Variants in NCOR2 observed in about 807,000 individuals in gnomAD.
NCOR2 encodes the protein nuclear receptor corepressor 2.
A neutral mutation model predicts 262.9 loss-of-function variants in NCOR2; 81 were observed. The ratio of observed to expected loss-of-function variants is 0.31; its 90% CI spans 0.26 to 0.37. NCOR2 has a LOEUF of 0.37. Ranked by LOEUF, NCOR2 falls within the 10% of genes least tolerant of loss-of-function variation. NCOR2 has a pLI of 1.00. For missense variants in NCOR2, 3,385 were observed against 3,621.4 expected, an observed-to-expected ratio of 0.93 and a Z score of 1.68; for synonymous variants, 1,659 against 1,559.3, an observed-to-expected ratio of 1.06 and a Z score of -1.51.
Position 124,482,906 on chromosome 12 carries a change from G to A in NCOR2, c.411+690C>T, listed in dbSNP as rs935649223. Among the ~76,000 whole-genome samples, 4 of 152,276 alleles carry A rather than the reference G, an allele frequency of 2.6e-5. No individual in the cohort carries two copies. Among genetic ancestry groups the A allele is most frequent in the African/African-American group, 9.6e-5 (4 of 41,542 alleles). ...GCAGCCAGACTGGGCAGTAGAAGGC[G>A]GCTTTGTCATTCTAGGGGTCCAGGC... On this transcript the variant is annotated intron_variant, in intron 3 of 46. Coordinates refer to ENST00000405201, the Ensembl canonical transcript of NCOR2. This position sits in a 1 kb window ranked among gnomAD's most constrained non-coding sequence, Gnocchi z 6.3.
At chr12:124,441,320 C>T (rs1467800481) in intron 7 of NCOR2, among the ~76,000 whole-genome samples, 1 of 152,166 alleles carries the variant, frequency 6.6e-6, no homozygotes, top group East Asian at 1.9e-4. Context: ...TTCCGGCTGC[C>T]AGAGCTGGAA....
chr12:124,511,539 C>T (rs1366742319), intron 1 of NCOR2, among the ~76,000 whole-genome samples: 1 of 152,192 alleles, frequency 6.6e-6, no homozygotes, highest in Non-Finnish European at 1.5e-5. Context: ...GGGGCAAAGC[C>T]GGGGTAGAAT....
intron 1 of NCOR2, among the ~76,000 whole-genome samples, chr12:124,515,700 T>C (rs73225455): frequency 0.025 from 3,845 of 152,076 alleles, 83 homozygotes; most frequent in Non-Finnish European, 0.038. Flanking sequence ...CGTGTGCATG[T>C]TCGTGTGACT....
At chr12:124,554,688 T>C (rs935624445) in intron 1 of NCOR2, among the ~76,000 whole-genome samples, 1 of 152,212 alleles carries the variant, frequency 6.6e-6, no homozygotes, top group South Asian at 2.1e-4. Context: ...CGCAGCACGC[T>C]TCCACCTTCC....
chr12:124,346,331 C>T (rs1225342023), intron 31 of NCOR2, among the ~76,000 whole-genome samples: 1 of 151,930 alleles, frequency 6.6e-6, no homozygotes, highest in Non-Finnish European at 1.5e-5. Flanking sequence ...CAGTTTCCCT[C>T]CCTGAAGAAT....
At chr12:124,383,518 TA>T in intron 17 of NCOR2, 1 of 848,938 alleles carries the variant, frequency 1.2e-6, no homozygotes. Flanking sequence ...CCTAGTCTAA[TA>T]AAACCTTCCA....
At chr12:124,348,029 C>G in intron 29 of NCOR2, 118 bp from the exon 32 acceptor site, 1 of 1,454,576 alleles carries the variant, frequency 6.9e-7, no homozygotes, top group Non-Finnish European at 9.3e-7. Flanking sequence ...TGGAGTAGGA[C>G]CCAGCACGGG....
chr12:124,342,554 G>C (rs1268545870), intron 33 of NCOR2, among the ~76,000 whole-genome samples: 1 of 152,032 alleles, frequency 6.6e-6, no homozygotes, highest in Non-Finnish European at 1.5e-5. Context: ...ATTTTTAGTA[G>C]GGACGGGGTT....
Position 124,486,435 on chromosome 12 carries a change from C to G in NCOR2, c.233+6G>C. 3.7e-6 allele frequency: 6 copies of G among 1,612,612 alleles called. No homozygotes were observed. Among genetic ancestry groups the G allele is most frequent in the Non-Finnish European group, 5.1e-6 (6 of 1,179,570 alleles). ...CTGGACAGGGAGGCAGCAACTCTCT[C>G]CTCACCGTTCATTCCCGGGCTGGAA... On this transcript the variant is annotated splice_donor_region_variant and intron_variant, in intron 2 of 46. Coordinates refer to ENST00000405201, the Ensembl canonical transcript of NCOR2.
At chr12:124,541,548 T>A (rs1484207628) in intron 1 of NCOR2, among the ~76,000 whole-genome samples, 2 of 10,800 alleles carry the variant, frequency 1.9e-4, no homozygotes, top group African/African-American at 5.8e-4. Context: ...AGGGGAGTGG[T>A]GATGGAGGGG....
At position 124,356,585 on chromosome 12, in the gene NCOR2, T is replaced by C. The variant is rs566441224; in HGVS notation, c.3241+57A>G. 4.4e-6 allele frequency: 6 copies of C among 1,369,890 alleles called. No homozygotes were observed. In the African/African-American group the frequency reaches 9.0e-5, roughly 21 times the overall value. 84.9% of individuals were successfully genotyped at this position (1,369,890 alleles called of 1,614,324 possible). On this transcript the variant is annotated intron_variant, in intron 23 of 46. Transcript: ENST00000405201. ...TGCAGCTCTGAGCCAGTGCAAACAG[T>C]GCAAACAGCGATTGTGCACTGGCTG... is the stretch of plus-strand genomic sequence containing the variant.
intron 7 of NCOR2, among the ~76,000 whole-genome samples, chr12:124,448,389 T>C (rs768314684): frequency 2.0e-5 from 3 of 152,194 alleles, no homozygotes; most frequent in Non-Finnish European, 4.4e-5. Flanking sequence ...ATCTGGGACC[T>C]GGGCAATGAA....
At chr12:124,333,179 T>G (rs2035371437) in exon 42 of NCOR2, 1 of 1,612,850 alleles carries the variant, frequency 6.2e-7, no homozygotes, top group Non-Finnish European at 8.5e-7. Flanking sequence ...TACACAGCAC[T>G]CCGGGAGTGC....
rs1238038528 is a variant in NCOR2, at chr12:124,440,498, G to C, written c.816-2502C>G. ...CCAGCACCCTTCATCTCATAACAGG[G>C]TGTCTCTGAGCACACCTCAGAAGCC... On this transcript the variant is annotated intron_variant, in intron 7 of 46. Coordinates refer to ENST00000405201, the Ensembl canonical transcript of NCOR2. The surrounding 1 kb of genome is among the most constrained non-coding windows in gnomAD (Gnocchi z 5.7). Among the ~76,000 whole-genome samples the C allele has an allele frequency of 6.6e-6, 1 of 152,206 alleles. No homozygotes were observed. Among genetic ancestry groups the C allele is most frequent in the Non-Finnish European group, 1.5e-5 (1 of 68,046 alleles).
chr12:124,394,050 G>A (rs1394620881), intron 16 of NCOR2, among the ~76,000 whole-genome samples: 1 of 152,262 alleles, frequency 6.6e-6, no homozygotes, highest in Non-Finnish European at 1.5e-5. Flanking sequence ...GAAGACAGAG[G>A]TGGCGGGGGC....
At chr12:124,404,937 G>A (rs2042198405) in intron 13 of NCOR2, among the ~76,000 whole-genome samples, 1 of 152,242 alleles carries the variant, frequency 6.6e-6, no homozygotes, top group Non-Finnish European at 1.5e-5. Context: ...GAGGAAACAG[G>A]CTCAGAGAGG....
chr12:124,404,505 A>G (rs2042163364), intron 13 of NCOR2, among the ~76,000 whole-genome samples: 1 of 152,200 alleles, frequency 6.6e-6, no homozygotes. Flanking sequence ...TGGGGGCTCC[A>G]TGACCCCCTG....
At chr12:124,499,580 C>G (rs760813774), upstream of NCOR2, among the ~76,000 whole-genome samples, 2 of 152,172 alleles carry the variant, frequency 1.3e-5, no homozygotes, top group South Asian at 4.1e-4. Context: ...GGGGGGTGAG[C>G]GCAGGCTTGG....
intron 1 of NCOR2, among the ~76,000 whole-genome samples, chr12:124,520,175 T>C (rs1566021280): frequency 6.6e-6 from 1 of 152,192 alleles, no homozygotes; most frequent in Non-Finnish European, 1.5e-5. Context: ...GGGGTTTCCG[T>C]AGACCTGCCC....
Sources: gnomAD v4.1 joint callset for allele counts (sites outside exome capture counted in the v4.1 genomes callset) on GRCh38, gnomAD v4.1.1 for gene constraint, Gnocchi (gnomAD v3.1) non-coding constraint, MANE v1.5 for transcripts, NCBI Gene and HGNC (gene_info 2026-07-23, HGNC 2026-07-21) for gene names.